KYNU: variants seen among roughly 807,000 people sequenced by gnomAD.
KYNU encodes the protein kynureninase, also known as L-kynurenine hydrolase.
A neutral mutation model predicts 59.2 loss-of-function variants in KYNU; 54 were observed. The observed-to-expected ratio is 0.91, with a 90% CI of 0.73 to 1.14. KYNU has a LOEUF of 1.14. Ranked by LOEUF, KYNU falls within the 50% of genes most tolerant of loss-of-function variation. KYNU has a pLI of 0.00. For synonymous variants in KYNU, 177 were observed against 192.0 expected (o/e 0.92, Z 0.65); for missense variants, 567 against 554.4 (o/e 1.02, Z -0.23).
In KYNU at chr2:142,972,809, T is replaced by TAGAG. The variant is rs1186056484; in HGVS notation, c.729+12040_729+12041insGAGA. Among the ~76,000 whole-genome samples, 665 of 137,328 alleles carry TAGAG rather than the reference T, an allele frequency of 4.8e-3. 5 individuals carry two copies. The highest frequency in any genetic ancestry group is 7.3e-3 in the Admixed American group (99 of 13,484). 90.1% of individuals were successfully genotyped at this position (137,328 alleles called of 152,430 possible). ...CAGAGGCCATATATATATATATATA[T>TAGAG]ATATAGAGAGAGAGAGAGAGAGAGA... On this transcript the variant is annotated intron_variant, in intron 8 of 13. Transcript: ENST00000264170.
At chr2:142,937,413 A>G (rs1683427991) in intron 4 of KYNU, among the ~76,000 whole-genome samples, 1 of 152,216 alleles carries the variant, frequency 6.6e-6, no homozygotes. Context: ...AGAGTCTGAC[A>G]TGAGGGCATT....
chr2:142,923,888 C>T (rs142390686), intron 3 of KYNU, among the ~76,000 whole-genome samples: 369 of 152,256 alleles, frequency 2.4e-3, no homozygotes, highest in Non-Finnish European at 4.2e-3. Context: ...GAATAAACCA[C>T]AGAGTTTACT....
rs538855421 is a variant in KYNU at position 143,040,569 on chromosome 2, C to T, written c.1183C>T (p.His395Tyr). ...AGTTGTGAACATAATTACTCCGTCT[C>T]ATGTAGAGGAGCGGGGGTGCCAGCT... is the stretch of plus-strand genomic sequence containing the variant. Reference protein sequence around the residue: ...KPVVNIITPSHVEERGCQLTI... With the variant: ...KPVVNIITPSYVEERGCQLTI... Residue 395 changes from histidine to tyrosine, a missense_variant, in exon 13 of 14, where the codon CAT (histidine) becomes TAT (tyrosine). Transcript: ENST00000264170. The T allele has an allele frequency of 6.2e-6, 10 of 1,612,900 alleles. No individual in the cohort carries two copies. The highest frequency in any genetic ancestry group is 8.5e-6 in the Non-Finnish European group (10 of 1,179,204).
At chr2:143,030,676 G>T (rs1686713617) in intron 11 of KYNU, among the ~76,000 whole-genome samples, 1 of 151,532 alleles carries the variant, frequency 6.6e-6, no homozygotes. Flanking sequence ...TTATTATTTA[G>T]TGGAGATGAG....
At chr2:142,880,006 G>A (rs1024067731) in intron 1 of KYNU, among the ~76,000 whole-genome samples, 3 of 152,168 alleles carry the variant, frequency 2.0e-5, no homozygotes, top group African/African-American at 7.2e-5. Flanking sequence ...CATTAGAAAT[G>A]TTTGTCTAAG....
chr2:142,920,613 T>A (rs1242752553), intron 3 of KYNU, among the ~76,000 whole-genome samples: 1 of 152,202 alleles, frequency 6.6e-6, no homozygotes, highest in Non-Finnish European at 1.5e-5. Flanking sequence ...CACCTTGTGA[T>A]GATGGAAAAT....
intron 10 of KYNU, among the ~76,000 whole-genome samples, chr2:143,014,524 C>G (rs528656851): frequency 1.6e-4 from 24 of 152,280 alleles, no homozygotes; most frequent in Admixed American, 2.6e-4. Flanking sequence ...AATCAAAAGT[C>G]TTGGCTTTTA....
intron 4 of KYNU, among the ~76,000 whole-genome samples, chr2:142,940,173 A>G (rs901034050): frequency 2.6e-5 from 4 of 152,242 alleles, no homozygotes; most frequent in South Asian, 2.1e-4. Context: ...TAAACATTCA[A>G]ATATTCTAAT....
chr2:143,029,685 T>G lies in KYNU; in HGVS notation c.955+6T>G. 2 of 1,497,206 alleles carry G rather than the reference T, an allele frequency of 1.3e-6. No individual in the cohort carries two copies. Among genetic ancestry groups the G allele is most frequent in the Non-Finnish European group, 1.9e-6 (2 of 1,073,238 alleles). The allele number at this position is 1,497,206 out of a possible 1,614,324, so 92.7% of individuals were successfully genotyped here. ...CAGATTTAAGATGGATAACAGTAAG[T>G]GTATTTATTTTACCTAATGCCATTT... On this transcript the variant is annotated splice_donor_region_variant and intron_variant, in intron 11 of 13. Transcript: ENST00000264170.
intron 12 of KYNU, among the ~76,000 whole-genome samples, chr2:143,037,401 C>A (rs949565674): frequency 2.2e-4 from 34 of 152,080 alleles, no homozygotes; most frequent in Admixed American, 5.2e-4. Context: ...AATATTTAGT[C>A]CCTTTCAGTA....
rs1263873930 is a variant in KYNU at position 143,049,288 on chromosome 2, C to T, written c.*7116C>T. On this transcript the variant is annotated 3_prime_UTR_variant, in exon 14 of 14. Transcript: ENST00000264170. ...AAAATTCCTTCCATTTGTGATCTTT[C>T]GAATGTGCTTCTGCTTTAGGCATTA... The T allele has an allele frequency of 6.6e-6, 1 of 152,038 alleles. No individual in the cohort carries two copies. The highest frequency in any genetic ancestry group is 1.5e-5 in the Non-Finnish European group (1 of 68,004). 9.4% of individuals were successfully genotyped at this position (152,038 alleles called of 1,614,324 possible).
chr2:142,980,505 A>G (rs1405627629), intron 8 of KYNU, among the ~76,000 whole-genome samples: 2 of 152,152 alleles, frequency 1.3e-5, no homozygotes, highest in African/African-American at 4.8e-5. Flanking sequence ...AACACCTCTG[A>G]TAACCATACC....
At chr2:143,007,702 G>T (rs1466194427) in intron 10 of KYNU, among the ~76,000 whole-genome samples, 2 of 120,888 alleles carry the variant, frequency 1.7e-5, no homozygotes, top group East Asian at 5.7e-4. Flanking sequence ...GACTAACAGC[G>T]GATCTCTCGG....
In KYNU at chr2:143,046,275, G is replaced by T. The variant is rs1353173066; in HGVS notation, c.*4103G>T. On this transcript the variant is annotated 3_prime_UTR_variant, in exon 14 of 14. Transcript: ENST00000264170. Reference sequence around the variant, plus strand: ...CTAATTTTGGTTGTGCATGAATATTGTATCAATGCAATTATACTGTATATA... The same window carrying T: ...CTAATTTTGGTTGTGCATGAATATTTTATCAATGCAATTATACTGTATATA... 1 of 151,992 alleles carries T rather than the reference G, an allele frequency of 6.6e-6. No homozygotes were observed. The highest frequency in any genetic ancestry group is 1.5e-5 in the Non-Finnish European group (1 of 68,006). The allele number at this position is 151,992 out of a possible 1,614,324, so 9.4% of individuals were successfully genotyped here.
intron 2 of KYNU, among the ~76,000 whole-genome samples, chr2:142,907,264 GAA>G (rs1255748293): frequency 6.6e-6 from 1 of 152,174 alleles, no homozygotes; most frequent in African/African-American, 2.4e-5. Flanking sequence ...CCAAGGAATG[GAA>G]ACTTGGGCCA....
At position 143,046,046 on chromosome 2, in the gene KYNU, G is replaced by C. The variant is rs562012819; in HGVS notation, c.*3874G>C. The C allele has an allele frequency of 2.9e-4, 44 of 152,104 alleles. No individual in the cohort carries two copies. The highest frequency in any genetic ancestry group is 2.6e-3 in the Admixed American group (40 of 15,242). 9.4% of individuals were successfully genotyped at this position (152,104 alleles called of 1,614,324 possible). ...CTAATCACATTAAAATTATATCAAA[G>C]TATATAAACATATCATGGAAAACAT... On this transcript the variant is annotated 3_prime_UTR_variant, in exon 14 of 14. Coordinates refer to ENST00000264170, the MANE Select transcript of KYNU (RefSeq NM_003937.3).
chr2:142,938,639 A>G (rs351686), intron 4 of KYNU, among the ~76,000 whole-genome samples: 4,146 of 152,302 alleles, frequency 0.027, 183 homozygotes, highest in Admixed American at 0.11. Context: ...TGAAATATGT[A>G]AGTAGATAGC....
chr2:143,029,391 G>C (rs992209593), intron 10 of KYNU, among the ~76,000 whole-genome samples: 3 of 152,154 alleles, frequency 2.0e-5, no homozygotes, highest in South Asian at 2.1e-4. Flanking sequence ...CTCAAGACCA[G>C]CCTGGCCAAC....
At chr2:142,915,203 T>C (rs1440358761) in intron 2 of KYNU, among the ~76,000 whole-genome samples, 1 of 152,204 alleles carries the variant, frequency 6.6e-6, no homozygotes, top group Non-Finnish European at 1.5e-5. Flanking sequence ...GACATCAGCT[T>C]AAGTATTCAT....
Sources: gnomAD v4.1 joint callset for allele counts (sites outside exome capture counted in the v4.1 genomes callset) on GRCh38, gnomAD v4.1.1 for gene constraint, MANE v1.5 for transcripts, NCBI Gene and HGNC (gene_info 2026-07-23, HGNC 2026-07-21) for gene names.